Variants in RB1 observed in about 807,000 individuals in gnomAD.
The protein encoded by RB1 is RB transcriptional corepressor 1.
In RB1, 18 loss-of-function variants were observed where a neutral mutation model predicts 135.4. The observed-to-expected ratio is 0.13, with a 90% CI of 0.09 to 0.20. The LOEUF (loss-of-function observed/expected upper bound fraction) is 0.20, where lower values mean the gene tolerates loss of function less well. RB1 is among the 10% of genes least tolerant of loss of function. The pLI is 1.00. For missense variants in RB1, 868 were observed against 1,110.0 expected (o/e 0.78, Z 3.10); for synonymous variants, 365 against 373.2 (o/e 0.98, Z 0.25).
At chr13:48,476,921 C>G in intron 25 of RB1, 78 bp downstream of exon 25, 1 of 1,545,756 alleles carries the variant, frequency 6.5e-7, no homozygotes, top group Non-Finnish European at 8.9e-7. Context: ...CTGCTCCTGG[C>G]TTATACCAAT....
At chr13:48,413,647 T>C (rs1443406126) in intron 17 of RB1, among the ~76,000 whole-genome samples, 1 of 152,156 alleles carries the variant, frequency 6.6e-6, no homozygotes, top group Non-Finnish European at 1.5e-5. Flanking sequence ...TTATCCTGGG[T>C]CTCATTAGTT....
At chr13:48,385,672 C>CT (rs1948566037) in intron 17 of RB1, among the ~76,000 whole-genome samples, 1 of 152,174 alleles carries the variant, frequency 6.6e-6, no homozygotes, top group Non-Finnish European at 1.5e-5. Context: ...TCCTGTGTGT[C>CT]ACAGACTCAG....
At chr13:48,363,048 TG>T in intron 8 of RB1, 91 bp downstream of exon 8, 1 of 1,487,176 alleles carries the variant, frequency 6.7e-7, no homozygotes. Flanking sequence ...GTTATGAGCA[TG>T]TTTTTTTTGT....
At position 48,465,439 on chromosome 13, in the gene RB1, A is replaced by G. The variant is rs1949434478; in HGVS notation, c.2489+71A>G. 3.5e-6 allele frequency: 5 copies of G among 1,409,306 alleles called. No homozygotes were observed. In the South Asian group the frequency reaches 4.7e-5, roughly 13 times the overall value. The allele number at this position is 1,409,306 out of a possible 1,614,324, so 87.3% of individuals were successfully genotyped here. On this transcript the variant is annotated intron_variant, in intron 23 of 26. Transcript: ENST00000267163. ...TTATTTTGATCCAAGAATAAAAAAT[A>G]TAAAGCATTCTTCATTTCAAATAAG...
intron 12 of RB1, 143 bp from the exon 13 acceptor site, chr13:48,376,773 TTC>T: frequency 8.4e-7 from 1 of 1,190,108 alleles, no homozygotes; most frequent in Non-Finnish European, 1.2e-6. Context: ...TCTGCTTATG[TTC>T]AGTAGTTGTG....
At chr13:48,305,622 A>G (rs888288648) in intron 1 of RB1, among the ~76,000 whole-genome samples, 4 of 151,872 alleles carry the variant, frequency 2.6e-5, no homozygotes, top group African/African-American at 7.3e-5. Context: ...AACTCATTTT[A>G]TATATTTTAA....
intron 13 of RB1, 76 bp downstream of exon 13, chr13:48,377,110 A>G (rs1952834401): frequency 2.1e-6 from 3 of 1,398,134 alleles, no homozygotes; most frequent in Non-Finnish European, 3.0e-6. Flanking sequence ...GTTCGTATAA[A>G]TACTCTAACA....
intron 19 of RB1, among the ~76,000 whole-genome samples, chr13:48,457,808 C>T (rs1566234654): frequency 6.6e-6 from 1 of 152,244 alleles, no homozygotes; most frequent in Non-Finnish European, 1.5e-5. Context: ...AGGCTCAGCC[C>T]TGACTTTGCT....
At chr13:48,449,942 C>A (rs1949315831) in intron 17 of RB1, among the ~76,000 whole-genome samples, 2 of 152,062 alleles carry the variant, frequency 1.3e-5, no homozygotes, top group African/African-American at 4.8e-5. Context: ...CTGTTCATAT[C>A]CTTTGCCCAC....
At chr13:48,344,283 A>G (rs1460285458) in intron 3 of RB1, among the ~76,000 whole-genome samples, 3 of 152,190 alleles carry the variant, frequency 2.0e-5, no homozygotes, top group Non-Finnish European at 2.9e-5. Flanking sequence ...TTCTAAAATC[A>G]TTGGTGGGGC....
chr13:48,416,046 C>T (rs1948903018), intron 17 of RB1, among the ~76,000 whole-genome samples: 1 of 151,958 alleles, frequency 6.6e-6, no homozygotes, highest in Admixed American at 6.6e-5. Context: ...AATGTGAGAT[C>T]TCTACACTTC....
chr13:48,374,816 G>C (rs1952802340), intron 12 of RB1, among the ~76,000 whole-genome samples: 1 of 151,932 alleles, frequency 6.6e-6, no homozygotes, highest in Admixed American at 6.5e-5. Flanking sequence ...GAAACTATAT[G>C]ATCTTTTTTT....
chr13:48,317,334 G>T, intron 2 of RB1: 1 of 386,978 alleles, frequency 2.6e-6, no homozygotes, highest in East Asian at 4.3e-5. Flanking sequence ...TGTCTTTCCC[G>T]CTCCCGACGC....
At chr13:48,459,950 T>TC (rs1949391089) in intron 20 of RB1, 117 bp downstream of exon 20, 9 of 241,714 alleles carry the variant, frequency 3.7e-5, no homozygotes, top group Non-Finnish European at 4.8e-5. Context: ...TCTTTCTTTC[T>TC]TTTTCTTTCT....
intron 3 of RB1, among the ~76,000 whole-genome samples, chr13:48,344,619 G>C (rs1264148523): frequency 2.0e-5 from 3 of 152,154 alleles, no homozygotes; most frequent in Non-Finnish European, 4.4e-5. Context: ...GGTGGCTTTG[G>C]AGATAGAAAA....
At chr13:48,400,253 T>C (rs1231416099) in intron 17 of RB1, among the ~76,000 whole-genome samples, 2 of 152,092 alleles carry the variant, frequency 1.3e-5, no homozygotes, top group African/African-American at 4.8e-5. Context: ...ATAGGTACTG[T>C]TAAAAGTGCT....
chr13:48,440,474 GT>G, intron 17 of RB1, among the ~76,000 whole-genome samples: 2 of 152,178 alleles, frequency 1.3e-5, no homozygotes, highest in Middle Eastern at 6.8e-3. Flanking sequence ...TAACTTTAAT[GT>G]TTGTTATTTA....
At chr13:48,325,846 G>A (rs1038558578) in intron 2 of RB1, among the ~76,000 whole-genome samples, 15 of 152,104 alleles carry the variant, frequency 9.9e-5, no homozygotes, top group Non-Finnish European at 1.5e-5. Context: ...CTTTTATAGT[G>A]TAGATTCCTA....
chr13:48,396,241 A>G (rs1018833256), intron 17 of RB1, among the ~76,000 whole-genome samples: 13 of 152,224 alleles, frequency 8.5e-5, no homozygotes, highest in African/African-American at 3.1e-4. Context: ...ACTTGACTTC[A>G]AACTATACTA....
Sources: allele counts gnomAD v4.1 joint callset (sites outside exome capture counted in the v4.1 genomes callset), GRCh38; gene constraint gnomAD v4.1.1; transcripts MANE v1.5; gene names NCBI Gene and HGNC (gene_info 2026-07-23, HGNC 2026-07-21).